EPM2A: variants seen among roughly 807,000 people sequenced by gnomAD.
EPM2A encodes the protein laforin.
In EPM2A, 21 loss-of-function variants were observed where a neutral mutation model predicts 26.5. That is an observed-to-expected ratio of 0.79 (90% CI 0.56 to 1.14). The LOEUF (loss-of-function observed/expected upper bound fraction) is 1.14. EPM2A is among the 50% of genes most tolerant of loss of function. The pLI is 0.00. For synonymous variants in EPM2A, 217 were observed against 177.6 expected (o/e 1.22, Z -1.76); for missense variants, 458 against 440.8 (o/e 1.04, Z -0.35).
chr6:145,452,345 G>T (rs888513459), intron 4 of EPM2A, among the ~76,000 whole-genome samples: 1 of 151,910 alleles, frequency 6.6e-6, no homozygotes, highest in Admixed American at 6.6e-5. Context: ...ACCATCTGCA[G>T]CTAATATGTC....
At chr6:145,501,980 AAG>A in intron 3 of EPM2A, 1 of 403,518 alleles carries the variant, frequency 2.5e-6, no homozygotes, top group Non-Finnish European at 5.0e-6. Flanking sequence ...GAGTAAAAGG[AAG>A]AGTCTCGAAT....
chr6:145,688,788 A>G (rs1781094511), intron 1 of EPM2A, among the ~76,000 whole-genome samples: 1 of 152,180 alleles, frequency 6.6e-6, no homozygotes, highest in African/African-American at 2.4e-5. Context: ...GCTGAAAAGG[A>G]AAAGTAGGAG....
intron 2 of EPM2A, among the ~76,000 whole-genome samples, chr6:145,577,160 C>T (rs1781043050): frequency 6.6e-6 from 1 of 151,814 alleles, no homozygotes; most frequent in African/African-American, 2.4e-5. Flanking sequence ...AACAAAATGG[C>T]AGTACTAAGT....
intron 4 of EPM2A, among the ~76,000 whole-genome samples, chr6:145,486,990 C>T (rs1562354183): frequency 6.6e-6 from 1 of 152,150 alleles, no homozygotes; most frequent in Non-Finnish European, 1.5e-5. Flanking sequence ...CCTCTCCCTC[C>T]TCTCACCCTC....
intron 1 of EPM2A, among the ~76,000 whole-genome samples, chr6:145,720,588 T>C (rs1775902216): frequency 6.6e-6 from 1 of 152,192 alleles, no homozygotes; most frequent in African/African-American, 2.4e-5. Context: ...GGTTCCAGAT[T>C]GTTCCAGTTC....
At chr6:145,580,482 C>T (rs1039937541) in intron 2 of EPM2A, among the ~76,000 whole-genome samples, 4 of 151,178 alleles carry the variant, frequency 2.6e-5, no homozygotes, top group Admixed American at 6.6e-5. Context: ...CATATAAAAG[C>T]AAGTTATATT....
chr6:145,451,040 A>T (rs1207698730), intron 4 of EPM2A, among the ~76,000 whole-genome samples: 1 of 152,192 alleles, frequency 6.6e-6, no homozygotes, highest in Non-Finnish European at 1.5e-5. Flanking sequence ...TAAAATCAAT[A>T]AAGTCAGCCT....
chr6:145,580,747 A>G (rs1320426422), intron 2 of EPM2A, among the ~76,000 whole-genome samples: 1 of 151,996 alleles, frequency 6.6e-6, no homozygotes, highest in Admixed American at 6.6e-5. Context: ...TTTAGCTGCC[A>G]CTTATAAATG....
chr6:145,397,518 C>T (rs186349682), intron 4 of EPM2A, among the ~76,000 whole-genome samples: 1 of 152,262 alleles, frequency 6.6e-6, no homozygotes, highest in African/African-American at 2.4e-5. Context: ...ATGTTATCTC[C>T]TACCCAATTA....
chr6:145,574,995 C>G (rs998146929), intron 2 of EPM2A, among the ~76,000 whole-genome samples: 1 of 152,152 alleles, frequency 6.6e-6, no homozygotes, highest in African/African-American at 2.4e-5. Flanking sequence ...CTCTCAACAT[C>G]ACCTCTAGGG....
chr6:145,530,219 G>A (rs889665394), intron 2 of EPM2A, among the ~76,000 whole-genome samples: 2 of 152,190 alleles, frequency 1.3e-5, no homozygotes, highest in African/African-American at 4.8e-5. Flanking sequence ...AGTACAGTGG[G>A]ATGCCTGTGG....
intron 2 of EPM2A, among the ~76,000 whole-genome samples, chr6:145,593,584 T>C (rs1387571081): frequency 2.0e-5 from 3 of 152,032 alleles, no homozygotes; most frequent in African/African-American, 7.2e-5. Context: ...TAAAGTATGT[T>C]TTCAGAACAA....
At chr6:145,443,365 G>C (rs1331042563) in intron 4 of EPM2A, among the ~76,000 whole-genome samples, 1 of 152,156 alleles carries the variant, frequency 6.6e-6, no homozygotes, top group Non-Finnish European at 1.5e-5. Flanking sequence ...TCCAAGAGCA[G>C]GGAAGTTTCT....
At chr6:145,445,810 T>C (rs999537158) in intron 4 of EPM2A, among the ~76,000 whole-genome samples, 2 of 152,228 alleles carry the variant, frequency 1.3e-5, no homozygotes, top group African/African-American at 2.4e-5. Flanking sequence ...ATAAATTCTT[T>C]GGTGCTCCTC....
At chr6:145,534,287 G>A (rs1009534632) in intron 2 of EPM2A, among the ~76,000 whole-genome samples, 2 of 152,122 alleles carry the variant, frequency 1.3e-5, no homozygotes, top group African/African-American at 4.8e-5. Flanking sequence ...CAATATATTT[G>A]AGGCATTTAT....
At chr6:145,389,392 A>G (rs1778308112) in intron 4 of EPM2A, among the ~76,000 whole-genome samples, 1 of 151,930 alleles carries the variant, frequency 6.6e-6, no homozygotes, top group African/African-American at 2.4e-5. Flanking sequence ...GGGTTTCACC[A>G]TGTTGGCCAG....
chr6:145,411,988 G>A (rs1252799342), intron 4 of EPM2A, among the ~76,000 whole-genome samples: 3 of 152,096 alleles, frequency 2.0e-5, no homozygotes, highest in East Asian at 3.9e-4. Context: ...GGGAGGCCGA[G>A]GGAGACGGAT....
intron 3 of EPM2A, chr6:145,630,590 C>T (rs1776176217): frequency 6.6e-6 from 1 of 152,166 alleles, no homozygotes; most frequent in African/African-American, 2.4e-5. Flanking sequence ...ACACCAGCCT[C>T]TGGGAGAGAG....
intron 4 of EPM2A, among the ~76,000 whole-genome samples, chr6:145,472,492 G>T (rs1779487771): frequency 6.6e-6 from 1 of 152,028 alleles, no homozygotes; most frequent in Non-Finnish European, 1.5e-5. Flanking sequence ...TTGACCTGTG[G>T]ACAGCATTTC....
Sources: gnomAD v4.1 joint callset for allele counts (sites outside exome capture counted in the v4.1 genomes callset) on GRCh38, gnomAD v4.1.1 for gene constraint, MANE v1.5 for transcripts, NCBI Gene and HGNC (gene_info 2026-07-23, HGNC 2026-07-21) for gene names.